HSPA2: variants seen among roughly 807,000 people sequenced by gnomAD.
The protein encoded by HSPA2 is heat shock-related 70 kDa protein 2.
HSPA2 carries 13 observed loss-of-function variants against 35.0 expected under a neutral mutation model. That is an observed-to-expected ratio of 0.37 (90% CI 0.24 to 0.59). The LOEUF (loss-of-function observed/expected upper bound fraction) is 0.59. Among genes scored for constraint, HSPA2 ranks in the 20% least tolerant of loss-of-function variants. The probability of loss-of-function intolerance (pLI) is 0.70; values close to 1 mark genes in which losing one functional copy is unlikely to be tolerated. For missense variants in HSPA2, 565 were observed against 885.4 expected (o/e 0.64, Z 4.59); for synonymous variants, 368 against 382.1 (o/e 0.96, Z 0.43).
chr14:64,540,234 G>T (rs186017885), upstream of HSPA2: 97 of 157,394 alleles, frequency 6.2e-4, 1 homozygote, highest in Non-Finnish European at 1.3e-3. Context: ...CCGCCCCTGC[G>T]TGCTCAGTGA....
At chr14:64,536,416 A>G (rs2079980831), upstream of HSPA2, among the ~76,000 whole-genome samples, 1 of 152,210 alleles carries the variant, frequency 6.6e-6, no homozygotes, top group Non-Finnish European at 1.5e-5. Flanking sequence ...CCTTAGAATA[A>G]ATCCCACAAT....
chr14:64,539,702 G>C (rs1450536712), upstream of HSPA2, among the ~76,000 whole-genome samples: 10 of 151,830 alleles, frequency 6.6e-5, no homozygotes, highest in Non-Finnish European at 1.2e-4. Flanking sequence ...TTTTTTTTGA[G>C]ACGGAGTCTC....
rs1288867679 is a variant in HSPA2, at chr14:64,542,450, C to A, written c.1601C>A (p.Ala534Glu). Residue 534 changes from alanine to glutamate, a missense_variant, in exon 1 of 1, where the codon GCG becomes GAG. By Grantham distance (107) the Ala-to-Glu change is moderately radical (BLOSUM62 -1). Transcript: ENST00000247207. This position sits in a 1 kb window ranked among gnomAD's most constrained non-coding sequence, Gnocchi z 5.7. ...GAGCGGTACAAATCGGAAGATGAGG[C>A]GAATCGCGACCGAGTCGCGGCCAAA... ...EAERYKSEDEANRDRVAAKNA... is the reference protein window; with the variant it reads ...EAERYKSEDEENRDRVAAKNA... 6.2e-7 allele frequency: 1 copy of A among 1,613,696 alleles called. No individual in the cohort carries two copies. Among genetic ancestry groups the A allele is most frequent in the Non-Finnish European group, 8.5e-7 (1 of 1,179,994 alleles).
Position 64,541,293 on chromosome 14 carries a change from G to A in HSPA2, c.444G>A (p.Pro148=), listed in dbSNP as rs764685618. The change falls in exon 1 of 1, where the codon CCG becomes CCA. Residue 148 remains proline (P), a synonymous_variant. Coordinates refer to ENST00000247207, the MANE Select transcript of HSPA2 (RefSeq NM_021979.4). ...GKVHSAVITV[P]AYFNDSQRQA... ...TGCACAGCGCGGTCATAACGGTCCC[G>A]GCCTATTTCAACGACTCGCAGCGCC... The A allele has an allele frequency of 7.4e-6, 12 of 1,613,504 alleles. No homozygotes were observed. The highest frequency in any genetic ancestry group is 1.1e-5 in the South Asian group (1 of 91,066).
rs368396780 is a variant in HSPA2, at chr14:64,541,272, C to G, written c.423C>G (p.His141Gln). The G allele has an allele frequency of 1.2e-6, 2 of 1,613,756 alleles. No homozygotes were observed. Among genetic ancestry groups the G allele is most frequent in the African/African-American group, 1.3e-5 (1 of 74,932 alleles). Reference protein sequence around the residue: ...IAEAYLGGKVHSAVITVPAYF... With the variant: ...IAEAYLGGKVQSAVITVPAYF... Reference sequence around the variant, plus strand: ...AAGCCTACCTGGGGGGCAAGGTGCACAGCGCGGTCATAACGGTCCCGGCCT... The same window carrying G: ...AAGCCTACCTGGGGGGCAAGGTGCAGAGCGCGGTCATAACGGTCCCGGCCT... The change falls in exon 1 of 1, where the codon CAC becomes CAG. Residue 141 changes from histidine (H) to glutamine (Q), a missense_variant. His to Gln is a conservative substitution (Grantham distance 24). Coordinates refer to ENST00000247207, the MANE Select transcript of HSPA2 (RefSeq NM_021979.4).
chr14:64,537,421 G>A (rs766002147), upstream of HSPA2, among the ~76,000 whole-genome samples: 134 of 152,190 alleles, frequency 8.8e-4, no homozygotes, highest in Non-Finnish European at 1.8e-3. Context: ...GTGAAACCCT[G>A]TCTCTACCAA....
At chr14:64,538,943 C>G (rs758282586), upstream of HSPA2, among the ~76,000 whole-genome samples, 1 of 152,178 alleles carries the variant, frequency 6.6e-6, no homozygotes, top group Non-Finnish European at 1.5e-5. Flanking sequence ...GTAGCTGGGA[C>G]TACAGGCGCG....
chr14:64,539,124 G>A (rs937660640), upstream of HSPA2, among the ~76,000 whole-genome samples: 1 of 152,152 alleles, frequency 6.6e-6, no homozygotes, highest in Non-Finnish European at 1.5e-5. Context: ...ATTTATATGG[G>A]AGCCTGCTTC....
chr14:64,539,678 G>A (rs983159267), upstream of HSPA2, among the ~76,000 whole-genome samples: 18 of 150,920 alleles, frequency 1.2e-4, no homozygotes, highest in African/African-American at 3.9e-4. Flanking sequence ...GCCAGGCAGT[G>A]GGGTTTTTTT....
At position 64,541,452 on chromosome 14, in the gene HSPA2, T is replaced by C. The variant is rs200237519; in HGVS notation, c.603T>C (p.Phe201=). 1.4e-5 allele frequency: 22 copies of C among 1,613,452 alleles called. No homozygotes were observed. Among genetic ancestry groups the C allele is most frequent in the Non-Finnish European group, 1.9e-5 (22 of 1,179,788 alleles). The change falls in exon 1 of 1, where the codon TTT becomes TTC. Residue 201 remains phenylalanine (F), a synonymous_variant. Coordinates refer to ENST00000247207, the MANE Select transcript of HSPA2 (RefSeq NM_021979.4). ...GCGGCGAGAAGAACGTGCTCATCTTTGACCTGGGCGGTGGCACTTTCGACG... is the reference window on the plus strand; with the variant it reads ...GCGGCGAGAAGAACGTGCTCATCTTCGACCTGGGCGGTGGCACTTTCGACG... ...CAGGEKNVLI[F]DLGGGTFDVS...
At position 64,540,774 on chromosome 14, in the gene HSPA2, A is replaced by T; in HGVS notation, c.-76A>T. The stretch of plus-strand genomic sequence containing the variant: ...GGTAGTGCCCGTGGTGCTTGGTTCG[A>T]GGTGGCCGTTAGTTGACTCCGCGGA... On this transcript the variant is annotated 5_prime_UTR_variant, in exon 1 of 1. Coordinates refer to ENST00000247207, the MANE Select transcript of HSPA2 (RefSeq NM_021979.4). The T allele has an allele frequency of 6.4e-7, 1 of 1,572,270 alleles. No individual in the cohort carries two copies.
Position 64,541,603 on chromosome 14 carries a change from C to CACAAGA in HSPA2, c.756_761dup (p.Lys253_Lys254insAsnLys). 2 of 1,611,778 alleles carry CACAAGA rather than the reference C, an allele frequency of 1.2e-6. No individual in the cohort carries two copies. Among genetic ancestry groups the CACAAGA allele is most frequent in the Non-Finnish European group, 1.7e-6 (2 of 1,179,964 alleles). The stretch of plus-strand genomic sequence containing the variant: ...CCTGGCGGAGGAGTTCAAGCGCAAG[C>CACAAGA]ACAAGAAGGACATTGGGCCCAACAA... On this transcript the variant is annotated inframe_insertion, in exon 1 of 1. Transcript: ENST00000247207.
Position 64,540,742 on chromosome 14 carries a change from A to C in HSPA2, c.-108A>C, listed in dbSNP as rs2080021248. 3 of 1,502,230 alleles carry C rather than the reference A, an allele frequency of 2.0e-6. No homozygotes were observed. The highest frequency in any genetic ancestry group is 2.1e-5 in the Admixed American group (1 of 48,098). The allele number at this position is 1,502,230 out of a possible 1,614,324, so 93.1% of individuals were successfully genotyped here. The stretch of plus-strand genomic sequence containing the variant: ...ACCGGGAACTGGGCGCGGGGAGCTG[A>C]GTTGCTGGTAGTGCCCGTGGTGCTT... On this transcript the variant is annotated 5_prime_UTR_variant, in exon 1 of 1. Coordinates refer to ENST00000247207, the MANE Select transcript of HSPA2 (RefSeq NM_021979.4).
At chr14:64,538,351 A>G (rs2079995309), upstream of HSPA2, among the ~76,000 whole-genome samples, 1 of 152,184 alleles carries the variant, frequency 6.6e-6, no homozygotes, top group Non-Finnish European at 1.5e-5. Context: ...CCCAGCCCAA[A>G]GCCTCAGGAA....
At position 64,541,727 on chromosome 14, in the gene HSPA2, G is replaced by T. The variant is rs1293166304; in HGVS notation, c.878G>T (p.Gly293Val). The T allele has an allele frequency of 6.2e-7, 1 of 1,611,962 alleles. No homozygotes were observed. Among genetic ancestry groups the T allele is most frequent in the Admixed American group, 1.7e-5 (1 of 59,818 alleles). ...ATCGAGATCGACTCGCTCTACGAGGGCGTGGACTTCTATACGTCCATCACG... is the reference window on the plus strand; with the variant it reads ...ATCGAGATCGACTCGCTCTACGAGGTCGTGGACTTCTATACGTCCATCACG... ...ASIEIDSLYE[G>V]VDFYTSITRA... is the part of the protein sequence containing the mutation. Residue 293 changes from glycine to valine, a missense_variant, in exon 1 of 1, where the codon GGC (glycine) becomes GTC (valine). This residue lies in a region of HSPA2 where 234 missense variants were observed against 419.0 expected (regional missense o/e 0.56). Coordinates refer to ENST00000247207, the MANE Select transcript of HSPA2 (RefSeq NM_021979.4).
At position 64,541,776 on chromosome 14, in the gene HSPA2, T is replaced by C. The variant is rs753997496; in HGVS notation, c.927T>C (p.Asn309=). The part of the protein sequence containing the change: ...SITRARFEEL[N]ADLFRGTLEP... ...CGCGCGCCCGCTTCGAGGAGCTCAA[T>C]GCCGACCTCTTTCGCGGGACCCTGG... The change falls in exon 1 of 1, where the codon AAT becomes AAC. Residue 309 remains asparagine (N), a synonymous_variant. Coordinates refer to ENST00000247207, the MANE Select transcript of HSPA2 (RefSeq NM_021979.4). 2 of 1,613,126 alleles carry C rather than the reference T, an allele frequency of 1.2e-6. No homozygotes were observed. Among genetic ancestry groups the C allele is most frequent in the Non-Finnish European group, 1.7e-6 (2 of 1,179,988 alleles).
Position 64,542,225 on chromosome 14 carries a change from T to C in HSPA2, c.1376T>C (p.Leu459Pro), listed in dbSNP as rs1442164060. ...ERAMTKDNNL[L>P]GKFDLTGIPP... ...GCCATGACCAAGGACAATAACCTGC[T>C]GGGCAAGTTCGACCTGACCGGGATT... The change falls in exon 1 of 1, where the codon CTG becomes CCG. Residue 459 changes from leucine to proline, a missense_variant. Coordinates refer to ENST00000247207, the MANE Select transcript of HSPA2 (RefSeq NM_021979.4). This position sits in a 1 kb window ranked among gnomAD's most constrained non-coding sequence, Gnocchi z 5.7. 6.2e-7 allele frequency: 1 copy of C among 1,613,984 alleles called. No individual in the cohort carries two copies. The highest frequency in any genetic ancestry group is 8.5e-7 in the Non-Finnish European group (1 of 1,180,006).
chr14:64,542,703 T>TGGC lies in HSPA2; in HGVS notation c.1861_1863dup (p.Gly621dup), dbSNP rs752181548. ...TCAGCAAACTTTACCAAGGTGGTCC[T>TGGC]GGCGGCGGCAGCGGCGGCGGCGGTT... On this transcript the variant is annotated inframe_insertion, in exon 1 of 1. Transcript: ENST00000247207. The surrounding 1 kb of genome is among the most constrained non-coding windows in gnomAD (Gnocchi z 5.7). 1.2e-6 allele frequency: 2 copies of TGGC among 1,614,034 alleles called. No individual in the cohort carries two copies. Among genetic ancestry groups the TGGC allele is most frequent in the East Asian group, 2.2e-5 (1 of 44,874 alleles).
chr14:64,541,009 G>A lies in HSPA2; in HGVS notation c.160G>A (p.Asp54Asn). The change falls in exon 1 of 1, where the codon GAC (aspartate) becomes AAC (asparagine). Residue 54 changes from aspartate to asparagine, a missense_variant. Asp to Asn is a conservative substitution (Grantham distance 23, BLOSUM62 1). Around this residue, in one of 4 missense-constraint regions of HSPA2, gnomAD observed 183 missense variants for 281.6 expected, o/e 0.65. Coordinates refer to ENST00000247207, the MANE Select transcript of HSPA2 (RefSeq NM_021979.4). ...CACGGACACCGAGCGCCTCATCGGC[G>A]ACGCCGCCAAGAACCAGGTGGCCAT... ...AFTDTERLIG[D>N]AAKNQVAMNP... The A allele has an allele frequency of 6.2e-7, 1 of 1,614,158 alleles. No homozygotes were observed. The highest frequency in any genetic ancestry group is 1.1e-5 in the South Asian group (1 of 91,082).
Sources: gnomAD v4.1 joint callset for allele counts (sites outside exome capture counted in the v4.1 genomes callset) on GRCh38, gnomAD v4.1.1 for gene constraint, gnomAD v4.1.1 regional missense constraint, Gnocchi (gnomAD v3.1) non-coding constraint, MANE v1.5 for transcripts, NCBI Gene and HGNC (gene_info 2026-07-23, HGNC 2026-07-21) for gene names.